ENDOV: variants seen among roughly 807,000 people sequenced by gnomAD.
The protein encoded by ENDOV is endonuclease V.
ENDOV carries 37 observed loss-of-function variants against 39.4 expected under a neutral mutation model. That is an observed-to-expected ratio of 0.94 (90% CI 0.72 to 1.23). The LOEUF (loss-of-function observed/expected upper bound fraction) is 1.23, where lower values mean the gene tolerates loss of function less well. Ranked by LOEUF, ENDOV falls within the 50% of genes most tolerant of loss-of-function variation. ENDOV has a pLI of 0.00. For synonymous variants in ENDOV, 186 were observed against 163.4 expected (o/e 1.14, Z -1.05); for missense variants, 441 against 375.7 (o/e 1.17, Z -1.44).
intron 1 of ENDOV, 71 bp downstream of exon 1, chr17:80,415,321 C>A (rs191507085): frequency 3.4e-4 from 524 of 1,554,364 alleles, no homozygotes; most frequent in Non-Finnish European, 4.1e-4. Flanking sequence ...CCTCCGAGCT[C>A]ATAGTCTTCA....
At chr17:80,415,423 G>A in intron 1 of ENDOV, 173 bp downstream of exon 1, 1 of 1,004,510 alleles carries the variant, frequency 1.0e-6, no homozygotes, top group Non-Finnish European at 1.4e-6. Context: ...ATTGTAGTCC[G>A]CGGGGTGGGC....
At chr17:80,425,931 G>A (rs2082641070) in intron 7 of ENDOV, among the ~76,000 whole-genome samples, 1 of 152,162 alleles carries the variant, frequency 6.6e-6, no homozygotes, top group Admixed American at 6.5e-5. Flanking sequence ...AGTGATGTTA[G>A]CTCAGGTGGT....
At chr17:80,425,812 G>T (rs896942208) in intron 7 of ENDOV, among the ~76,000 whole-genome samples, 192 bp downstream of exon 7, 22 of 152,104 alleles carry the variant, frequency 1.4e-4, no homozygotes, top group Non-Finnish European at 2.8e-4. Context: ...CAGTAGACTG[G>T]GGGGTGCAGG....
chr17:80,433,902 G>A (rs766549868), intron 9 of ENDOV, among the ~76,000 whole-genome samples: 1 of 152,244 alleles, frequency 6.6e-6, no homozygotes, highest in Non-Finnish European at 1.5e-5. Context: ...CAATTTTTAC[G>A]TGAGTAGTTT....
At chr17:80,419,415 C>T (rs2081653858) in intron 2 of ENDOV, 2 of 606,714 alleles carry the variant, frequency 3.3e-6, no homozygotes, top group Admixed American at 2.5e-5. Context: ...GTGTGTGCTG[C>T]TCCGCAGGCC....
intron 2 of ENDOV, 81 bp from the exon 3 acceptor site, chr17:80,421,747 G>C (rs1300417318): frequency 2.0e-6 from 3 of 1,515,062 alleles, no homozygotes; most frequent in South Asian, 2.4e-5. Context: ...GAAGGATGAG[G>C]GGGGCAGGGC....
At chr17:80,415,983 A>T (rs188029020) in intron 2 of ENDOV, 162 bp downstream of exon 2, 40 of 829,866 alleles carry the variant, frequency 4.8e-5, no homozygotes, top group African/African-American at 4.8e-4. Flanking sequence ...CACGCCTGCA[A>T]TCCCAGCACT....
chr17:80,422,175 G>A, intron 3 of ENDOV, 31 bp from the exon 4 acceptor site: 1 of 1,613,384 alleles, frequency 6.2e-7, no homozygotes, highest in African/African-American at 1.3e-5. Context: ...GGGCAGCTCA[G>A]CTGACTGTGA....
In ENDOV at chr17:80,438,061, A is replaced by C. The variant is rs1355540433; in HGVS notation, c.*1918A>C. The C allele has an allele frequency of 6.6e-6, 1 of 152,216 alleles. No homozygotes were observed. The highest frequency in any genetic ancestry group is 2.4e-5 in the African/African-American group (1 of 41,446). 9.4% of individuals were successfully genotyped at this position (152,216 alleles called of 1,614,324 possible). A position where few individuals can be genotyped will look rare whatever the true frequency, so the allele number is the denominator to read the frequency against. On this transcript the variant is annotated 3_prime_UTR_variant, in exon 10 of 10. Coordinates refer to ENST00000518137, the MANE Select transcript of ENDOV (RefSeq NM_173627.5). The stretch of plus-strand genomic sequence containing the variant: ...CTAGGATTCTCAGTAAGACCTTTGA[A>C]TAAAACTAACTTGAATTCTTCAAAA...
chr17:80,419,183 A>G (rs1002286985), intron 2 of ENDOV, among the ~76,000 whole-genome samples: 2 of 151,958 alleles, frequency 1.3e-5, no homozygotes. Flanking sequence ...AAAAAAAAAA[A>G]AAAAAACAGA....
Position 80,430,133 on chromosome 17 carries a change from C to T in ENDOV, c.838+302C>T, listed in dbSNP as rs777359476. On this transcript the variant is annotated intron_variant, in intron 9 of 9. Coordinates refer to ENST00000518137, the MANE Select transcript of ENDOV (RefSeq NM_173627.5). The stretch of plus-strand genomic sequence containing the variant: ...GCACCAGGTGGGGCAGAGGTGACCA[C>T]GGCCCCTCTTTGCTCCGTCATCGGC... 258 of 1,525,588 alleles carry T rather than the reference C, an allele frequency of 1.7e-4. 1 individual carries two copies. Among genetic ancestry groups the T allele is most frequent in the South Asian group, 1.6e-3 (131 of 82,778 alleles). 94.5% of individuals were successfully genotyped at this position (1,525,588 alleles called of 1,614,324 possible).
At chr17:80,425,916 G>A (rs2082640092) in intron 7 of ENDOV, among the ~76,000 whole-genome samples, 1 of 152,190 alleles carries the variant, frequency 6.6e-6, no homozygotes, top group Non-Finnish European at 1.5e-5. Context: ...CCAGCTTGGA[G>A]AATCAGTGAT....
At chr17:80,430,215 G>T in intron 9 of ENDOV, 14 of 1,470,410 alleles carry the variant, frequency 9.5e-6, no homozygotes, top group Non-Finnish European at 1.3e-5. Flanking sequence ...GCAAGTGCCA[G>T]ATCCTGAGAG....
intron 7 of ENDOV, among the ~76,000 whole-genome samples, chr17:80,425,855 C>T (rs2082635201): frequency 6.6e-6 from 1 of 152,150 alleles, no homozygotes; most frequent in Non-Finnish European, 1.5e-5. Context: ...GCCCTGCACC[C>T]CATGCACTCA....
chr17:80,419,937 C>G (rs1037660068), intron 2 of ENDOV: 1 of 448,472 alleles, frequency 2.2e-6, no homozygotes, highest in African/African-American at 2.0e-5. Flanking sequence ...GACCTGCCCC[C>G]TACGCTAATC....
chr17:80,415,968 T>A, intron 2 of ENDOV, 147 bp downstream of exon 2: 1 of 1,038,008 alleles, frequency 9.6e-7, no homozygotes, highest in Non-Finnish European at 1.4e-6. Context: ...CCGGGCGCGG[T>A]GGCTCACGCC....
chr17:80,430,298 C>T lies in ENDOV; in HGVS notation c.838+467C>T, dbSNP rs2083251314. 7 of 1,507,708 alleles carry T rather than the reference C, an allele frequency of 4.6e-6. No homozygotes were observed. The South Asian group carries it at 7.7e-5, about 16-fold the overall frequency. The allele number at this position is 1,507,708 out of a possible 1,614,324, so 93.4% of individuals were successfully genotyped here. A position where few individuals can be genotyped will look rare whatever the true frequency, so the allele number is the denominator to read the frequency against. Reference sequence around the variant, plus strand: ...GCCTGCACGACCCCTGCAGCCTGTGCTTTGCCCACCCCTTTCAATAGATGG... The same window carrying T: ...GCCTGCACGACCCCTGCAGCCTGTGTTTTGCCCACCCCTTTCAATAGATGG... On this transcript the variant is annotated intron_variant, in intron 9 of 9. Transcript: ENST00000518137.
Position 80,436,210 on chromosome 17 carries a change from C to A in ENDOV, c.*67C>A. 1 of 1,581,154 alleles carries A rather than the reference C, an allele frequency of 6.3e-7. No homozygotes were observed. The highest frequency in any genetic ancestry group is 8.6e-7 in the Non-Finnish European group (1 of 1,166,114). On this transcript the variant is annotated 3_prime_UTR_variant, in exon 10 of 10. Coordinates refer to ENST00000518137, the MANE Select transcript of ENDOV (RefSeq NM_173627.5). The stretch of plus-strand genomic sequence containing the variant: ...GAACGCGGTGGTGAGAGCACACGTC[C>A]TCGTCTCGTTCCTGATCGAACGCGG...
At position 80,436,805 on chromosome 17, in the gene ENDOV, T is replaced by G. The variant is rs41303560; in HGVS notation, c.*662T>G. ...TAGGAAATGTTCTCTCCTCCGTTTT[T>G]TTTGGAAGAGAGAGATTGGTGTTAA... On this transcript the variant is annotated 3_prime_UTR_variant, in exon 10 of 10. Transcript: ENST00000518137. 9.3e-3 allele frequency: 1,443 copies of G among 154,380 alleles called. 27 individuals are homozygous for G. Among genetic ancestry groups the G allele is most frequent in the African/African-American group, 0.032 (1,337 of 41,500 alleles). The allele number at this position is 154,380 out of a possible 1,614,324, so 9.6% of individuals were successfully genotyped here.
Sources: allele counts gnomAD v4.1 joint callset (sites outside exome capture counted in the v4.1 genomes callset), GRCh38; gene constraint gnomAD v4.1.1; transcripts MANE v1.5; gene names NCBI Gene and HGNC (gene_info 2026-07-23, HGNC 2026-07-21).